The following CCDC134 variants were observed in gnomAD, a reference collection of about 807,000 sequenced individuals.
CCDC134 encodes coiled-coil domain containing 134.
CCDC134 carries 27 observed loss-of-function variants against 25.6 expected under a neutral mutation model. That is an observed-to-expected ratio of 1.05 (90% CI 0.78 to 1.45). CCDC134 has a LOEUF of 1.45. Ranked by LOEUF, CCDC134 falls within the 40% of genes most tolerant of loss-of-function variation. The pLI is 0.00. For missense variants in CCDC134, 261 were observed against 286.7 expected, an observed-to-expected ratio of 0.91 and a Z score of 0.65; for synonymous variants, 110 against 115.0, an observed-to-expected ratio of 0.96 and a Z score of 0.28.
intron 6 of CCDC134, among the ~76,000 whole-genome samples, chr22:41,818,834 C>T (rs2076634939): frequency 6.6e-6 from 1 of 152,242 alleles, no homozygotes; most frequent in African/African-American, 2.4e-5. Flanking sequence ...CACTCAAGGC[C>T]ATGGCAGATT....
rs921305366 is a variant in CCDC134, at chr22:41,828,380, T to G, written c.*2557T>G. Among the ~76,000 whole-genome samples, 1 of 152,208 alleles carries G rather than the reference T, an allele frequency of 6.6e-6. No individual in the cohort carries two copies. The highest frequency in any genetic ancestry group is 1.5e-5 in the Non-Finnish European group (1 of 68,046). On this transcript the variant is annotated 3_prime_UTR_variant, in exon 7 of 7. Coordinates refer to ENST00000255784, the MANE Select transcript of CCDC134 (RefSeq NM_024821.5). ...TTCCTTGTTCATCCCATGTATTTACTGACTGCCTGCTATATATGCAGAGCC... is the reference window on the plus strand; with the variant it reads ...TTCCTTGTTCATCCCATGTATTTACGGACTGCCTGCTATATATGCAGAGCC...
At chr22:41,816,981 G>T (rs559333111) in intron 6 of CCDC134, among the ~76,000 whole-genome samples, 29 of 152,190 alleles carry the variant, frequency 1.9e-4, no homozygotes, top group African/African-American at 6.8e-4. Flanking sequence ...TTTTTCTCCA[G>T]TTGTTGCCTA....
intron 6 of CCDC134, among the ~76,000 whole-genome samples, chr22:41,818,414 C>T (rs1380298900): frequency 6.6e-6 from 1 of 152,202 alleles, no homozygotes; most frequent in Non-Finnish European, 1.5e-5. Flanking sequence ...CAGCGAACCA[C>T]AGTTAGCAGT....
At position 41,830,361 on chromosome 22, in the gene CCDC134, C is replaced by T. The variant is rs766852041; in HGVS notation, c.*4538C>T. ...CAGGCTCAGTGGGGAACTATGGGAG[C>T]AGGTGCTGTGTGCCACCTCTGGAGG... On this transcript the variant is annotated 3_prime_UTR_variant, in exon 7 of 7. Transcript: ENST00000255784. 6.6e-6 allele frequency among the ~76,000 whole-genome samples: 1 copy of T among 152,214 alleles called. No homozygotes were observed. Among genetic ancestry groups the T allele is most frequent in the African/African-American group, 2.4e-5 (1 of 41,458 alleles).
intron 4 of CCDC134, among the ~76,000 whole-genome samples, chr22:41,810,715 C>G (rs997241664): frequency 2.0e-5 from 3 of 152,062 alleles, no homozygotes; most frequent in Non-Finnish European, 4.4e-5. Flanking sequence ...AGGATGGTCT[C>G]GATCTCTTGA....
At chr22:41,819,457 G>A (rs1448804882) in intron 6 of CCDC134, among the ~76,000 whole-genome samples, 4 of 152,190 alleles carry the variant, frequency 2.6e-5, no homozygotes, top group African/African-American at 9.7e-5. Flanking sequence ...CAGGGCAGAG[G>A]GACGAACTTA....
In CCDC134 at chr22:41,825,499, A is replaced by G. The variant is rs1008526384; in HGVS notation, c.565-199A>G. The stretch of plus-strand genomic sequence containing the variant: ...ACCTAGAATACCCTTCCCTTTCCTC[A>G]TGCCGTTGGTTTGGCAAACTCCTGC... On this transcript the variant is annotated intron_variant, in intron 6 of 6. Transcript: ENST00000255784. This position sits in a 1 kb window ranked among gnomAD's most constrained non-coding sequence, Gnocchi z 4.4. Among the ~76,000 whole-genome samples, 2 of 151,504 alleles carry G rather than the reference A, an allele frequency of 1.3e-5. No individual in the cohort carries two copies. The highest frequency in any genetic ancestry group is 2.9e-5 in the Non-Finnish European group (2 of 67,870).
chr22:41,806,214 AT>A (rs60425249), intron 1 of CCDC134, among the ~76,000 whole-genome samples: 13,394 of 120,970 alleles, frequency 0.11, 1,925 homozygotes, highest in African/African-American at 0.43. Flanking sequence ...TAGGCGACTA[AT>A]TTTTTTTTTT....
At chr22:41,820,569 C>G (rs1017310779) in intron 6 of CCDC134, among the ~76,000 whole-genome samples, 1 of 152,188 alleles carries the variant, frequency 6.6e-6, no homozygotes, top group African/African-American at 2.4e-5. Context: ...TGGCTTGAAC[C>G]AGACGATGAC....
intron 1 of CCDC134, among the ~76,000 whole-genome samples, chr22:41,803,496 G>A (rs930266289): frequency 6.6e-6 from 1 of 152,158 alleles, no homozygotes; most frequent in South Asian, 2.1e-4. Flanking sequence ...GGCTGGGCAC[G>A]ATAGCTCACC....
In CCDC134 at chr22:41,813,437, C is replaced by G; in HGVS notation, c.484C>G (p.Leu162Val). 6.2e-6 allele frequency: 10 copies of G among 1,614,236 alleles called. No individual in the cohort carries two copies. The highest frequency in any genetic ancestry group is 8.5e-6 in the Non-Finnish European group (10 of 1,180,036). The change falls in exon 5 of 7, where the codon CTC becomes GTC. Residue 162 changes from leucine (L) to valine (V), a missense_variant. By Grantham distance (32) the Leu-to-Val change is conservative (BLOSUM62 1). Coordinates refer to ENST00000255784, the MANE Select transcript of CCDC134 (RefSeq NM_024821.5). ...VFNQGPHSPI[L>V]SLMAQELGIS... ...CAACCAGGGGCCCCACTCGCCCATC[C>G]TCAGCCTGGTAAGGACTGGGGTGGA... is the stretch of plus-strand genomic sequence containing the variant.
rs1176420063 is a variant in CCDC134 at position 41,830,300 on chromosome 22, C to G, written c.*4477C>G. On this transcript the variant is annotated 3_prime_UTR_variant, in exon 7 of 7. Transcript: ENST00000255784. Reference sequence around the variant, plus strand: ...TTCTACTGAGCCTTCAGTTGTACCCCTTCAGTCCACTTGGCGAGGCATCAC... The same window carrying G: ...TTCTACTGAGCCTTCAGTTGTACCCGTTCAGTCCACTTGGCGAGGCATCAC... Among the ~76,000 whole-genome samples the G allele has an allele frequency of 6.6e-6, 1 of 152,242 alleles. No homozygotes were observed. The highest frequency in any genetic ancestry group is 1.9e-4 in the East Asian group (1 of 5,206).
rs1174300979 is a variant in CCDC134 at position 41,828,837 on chromosome 22, G to C, written c.*3014G>C. Among the ~76,000 whole-genome samples the C allele has an allele frequency of 2.6e-5, 4 of 152,176 alleles. No homozygotes were observed. Among genetic ancestry groups the C allele is most frequent in the South Asian group, 4.1e-4 (2 of 4,834 alleles). On this transcript the variant is annotated 3_prime_UTR_variant, in exon 7 of 7. Transcript: ENST00000255784. ...GCAGCAGTGAAGGGGTGGCTCTAATGCCAAGTCCAGTGACCAGTGCCAGGG... is the reference window on the plus strand; with the variant it reads ...GCAGCAGTGAAGGGGTGGCTCTAATCCCAAGTCCAGTGACCAGTGCCAGGG...
intron 1 of CCDC134, among the ~76,000 whole-genome samples, chr22:41,807,561 C>CAA (rs34676090): frequency 0.034 from 4,546 of 131,928 alleles, 118 homozygotes; most frequent in Non-Finnish European, 0.042. Context: ...GACCCTGTCT[C>CAA]AAAAAAAAAA....
chr22:41,815,170 A>G (rs1469873530), intron 6 of CCDC134, among the ~76,000 whole-genome samples: 2 of 145,774 alleles, frequency 1.4e-5, no homozygotes. Context: ...CAAGCCCTCC[A>G]TGGCTTGGTT....
chr22:41,819,961 CTTT>C (rs1384941748), intron 6 of CCDC134, among the ~76,000 whole-genome samples: 3 of 65,846 alleles, frequency 4.6e-5, no homozygotes, highest in African/African-American at 2.1e-4. Flanking sequence ...TGACTTACCA[CTTT>C]ATATATATAT....
intron 5 of CCDC134, 35 bp downstream of exon 5, chr22:41,813,480 C>T: frequency 6.2e-7 from 1 of 1,611,592 alleles, no homozygotes; most frequent in Non-Finnish European, 8.5e-7. Context: ...CGGGAGCCCT[C>T]TGTCGGGTAG....
rs931174382 is a variant in CCDC134, at chr22:41,827,397, G to T, written c.*1574G>T. On this transcript the variant is annotated 3_prime_UTR_variant, in exon 7 of 7. Coordinates refer to ENST00000255784, the MANE Select transcript of CCDC134 (RefSeq NM_024821.5). ...TGGACACCCGAGTCTGTGAACTAAA[G>T]GGCTGGTCCATGGCATTAACAGTGG... 6.6e-6 allele frequency among the ~76,000 whole-genome samples: 1 copy of T among 152,184 alleles called. No individual in the cohort carries two copies. The highest frequency in any genetic ancestry group is 1.5e-5 in the Non-Finnish European group (1 of 68,030).
At chr22:41,818,458 C>G (rs905294634) in intron 6 of CCDC134, among the ~76,000 whole-genome samples, 3 of 152,186 alleles carry the variant, frequency 2.0e-5, no homozygotes, top group Non-Finnish European at 4.4e-5. Context: ...AATGCAAGTT[C>G]CCAGATGTCT....
Sources: gnomAD v4.1 joint callset for allele counts (sites outside exome capture counted in the v4.1 genomes callset) on GRCh38, gnomAD v4.1.1 for gene constraint, Gnocchi (gnomAD v3.1) non-coding constraint, MANE v1.5 for transcripts, NCBI Gene and HGNC (gene_info 2026-07-23, HGNC 2026-07-21) for gene names.